SGCZ: variants seen among roughly 807,000 people sequenced by gnomAD.
The protein encoded by SGCZ is zeta-sarcoglycan.
In SGCZ, 40 loss-of-function variants were observed where a neutral mutation model predicts 41.3. The observed-to-expected ratio is 0.97, with a 90% CI of 0.75 to 1.26. The LOEUF (loss-of-function observed/expected upper bound fraction) is 1.26. Ranked by LOEUF, SGCZ falls within the 50% of genes most tolerant of loss-of-function variation. The probability of loss-of-function intolerance (pLI) is 0.00; values close to 1 mark genes in which losing one functional copy is unlikely to be tolerated. For synonymous variants in SGCZ, 206 were observed against 137.5 expected (o/e 1.50, Z -3.49); for missense variants, 552 against 369.8 (o/e 1.49, Z -4.04).
At chr8:14,845,949 T>C (rs966665691) in intron 1 of SGCZ, among the ~76,000 whole-genome samples, 16 of 152,114 alleles carry the variant, frequency 1.1e-4, no homozygotes, top group Admixed American at 2.6e-4. Context: ...GGGATAAAAA[T>C]GCATTTCTTG....
chr8:15,183,863 C>G (rs567108833), intron 1 of SGCZ, among the ~76,000 whole-genome samples: 1 of 152,114 alleles, frequency 6.6e-6, no homozygotes, highest in African/African-American at 2.4e-5. Flanking sequence ...ATTAACTTTA[C>G]TAGCTAGCAT....
At chr8:14,446,654 T>A (rs1453236932) in intron 2 of SGCZ, among the ~76,000 whole-genome samples, 1 of 152,200 alleles carries the variant, frequency 6.6e-6, no homozygotes, top group Non-Finnish European at 1.5e-5. Flanking sequence ...TTATATGCAC[T>A]TAAAAATCCT....
chr8:14,908,317 A>G (rs1016124728), intron 1 of SGCZ, among the ~76,000 whole-genome samples: 3 of 152,174 alleles, frequency 2.0e-5, no homozygotes, highest in Non-Finnish European at 4.4e-5. Flanking sequence ...AAAAAGTTCA[A>G]TTATTCAACA....
chr8:15,114,556 G>C (rs1807195608), intron 1 of SGCZ, among the ~76,000 whole-genome samples: 1 of 152,104 alleles, frequency 6.6e-6, no homozygotes, highest in Non-Finnish European at 1.5e-5. Flanking sequence ...ATTGTTTTGT[G>C]ATTTTTATTT....
At chr8:14,481,265 T>C (rs1801528034) in intron 2 of SGCZ, among the ~76,000 whole-genome samples, 1 of 152,116 alleles carries the variant, frequency 6.6e-6, no homozygotes, top group Admixed American at 6.6e-5. Flanking sequence ...CACTAGCCAG[T>C]GTGAAGAAAA....
At chr8:14,508,975 C>A (rs10110014) in intron 2 of SGCZ, among the ~76,000 whole-genome samples, 2,422 of 152,150 alleles carry the variant, frequency 0.016, 60 homozygotes, top group African/African-American at 0.056. Context: ...TTACTGGAAA[C>A]AAATTATACA....
At chr8:14,718,965 T>A (rs1013474731) in intron 1 of SGCZ, among the ~76,000 whole-genome samples, 19 of 149,054 alleles carry the variant, frequency 1.3e-4, no homozygotes, top group African/African-American at 4.5e-4. Flanking sequence ...AACTCGTCAT[T>A]TAGCATTAGG....
chr8:14,347,384 T>C (rs1802926059), intron 2 of SGCZ, among the ~76,000 whole-genome samples: 1 of 152,142 alleles, frequency 6.6e-6, no homozygotes, highest in Non-Finnish European at 1.5e-5. Flanking sequence ...ACATTTTTCA[T>C]TAAATTATTA....
At chr8:14,364,682 T>C (rs1478019656) in intron 2 of SGCZ, among the ~76,000 whole-genome samples, 1 of 152,186 alleles carries the variant, frequency 6.6e-6, no homozygotes, top group Non-Finnish European at 1.5e-5. Context: ...TTTTGTACCA[T>C]TTGCATCTAA....
chr8:15,026,638 G>T (rs1291058768), intron 1 of SGCZ, among the ~76,000 whole-genome samples: 1 of 152,120 alleles, frequency 6.6e-6, no homozygotes, highest in Non-Finnish European at 1.5e-5. Flanking sequence ...GCCAATCAGA[G>T]CTCAGCTTGA....
At chr8:14,957,792 T>C (rs1028949567) in intron 1 of SGCZ, among the ~76,000 whole-genome samples, 6 of 152,086 alleles carry the variant, frequency 3.9e-5, no homozygotes, top group Non-Finnish European at 7.4e-5. Flanking sequence ...TGGTGGATGC[T>C]GTAGTTGGAA....
intron 2 of SGCZ, among the ~76,000 whole-genome samples, chr8:14,437,838 T>C (rs1035679419): frequency 1.3e-5 from 2 of 151,912 alleles, no homozygotes. Flanking sequence ...ATAATTTTAA[T>C]ATAAGGATTT....
At chr8:14,260,241 A>C (rs1799607841) in intron 3 of SGCZ, among the ~76,000 whole-genome samples, 1 of 152,098 alleles carries the variant, frequency 6.6e-6, no homozygotes, top group Non-Finnish European at 1.5e-5. Context: ...AACTCAAACA[A>C]ATTTACAAGC....
intron 5 of SGCZ, among the ~76,000 whole-genome samples, chr8:14,113,560 T>C (rs1563134390): frequency 6.6e-6 from 1 of 152,050 alleles, no homozygotes; most frequent in Non-Finnish European, 1.5e-5. Context: ...TGTTTTTTAA[T>C]TCTAGTTTGA....
intron 1 of SGCZ, among the ~76,000 whole-genome samples, chr8:14,870,603 A>C (rs971998712): frequency 1.3e-5 from 2 of 152,294 alleles, no homozygotes; most frequent in East Asian, 3.9e-4. Flanking sequence ...AATTAAACTA[A>C]AGAGCTTCTG....
At chr8:14,669,222 G>C (rs1585168521) in intron 1 of SGCZ, among the ~76,000 whole-genome samples, 1 of 150,558 alleles carries the variant, frequency 6.6e-6, no homozygotes, top group Non-Finnish European at 1.5e-5. Context: ...GCTGGGCATA[G>C]TAGCTTGCAC....
intron 1 of SGCZ, among the ~76,000 whole-genome samples, chr8:14,670,413 C>T (rs1242695898): frequency 6.6e-6 from 1 of 152,110 alleles, no homozygotes; most frequent in Admixed American, 6.6e-5. Context: ...TATCATTAGT[C>T]TCCCAAATTG....
At chr8:14,192,167 G>T (rs1034764412) in intron 4 of SGCZ, among the ~76,000 whole-genome samples, 6 of 151,986 alleles carry the variant, frequency 3.9e-5, no homozygotes, top group African/African-American at 1.4e-4. Flanking sequence ...ACTTTCACAT[G>T]GGTAGTGCTT....
chr8:14,282,665 G>C (rs1800486376), intron 3 of SGCZ, among the ~76,000 whole-genome samples: 2 of 152,006 alleles, frequency 1.3e-5, no homozygotes, highest in Non-Finnish European at 2.9e-5. Context: ...TGCATATTCT[G>C]TTCTCAGTTG....
Sources: allele counts gnomAD v4.1 joint callset (sites outside exome capture counted in the v4.1 genomes callset), GRCh38; gene constraint gnomAD v4.1.1; transcripts MANE v1.5; gene names NCBI Gene and HGNC (gene_info 2026-07-23, HGNC 2026-07-21).